TBL1XR1: variants seen among roughly 807,000 people sequenced by gnomAD.
TBL1XR1 encodes the protein TBL1X/Y related 1, also known as F-box-like/WD repeat-containing protein TBL1XR1.
TBL1XR1 carries 5 observed loss-of-function variants against 66.9 expected under a neutral mutation model. The ratio of observed to expected loss-of-function variants is 0.07; its 90% CI spans 0.04 to 0.16. The LOEUF is 0.16. TBL1XR1 is among the 10% of genes least tolerant of loss of function. The pLI is 1.00. For synonymous variants in TBL1XR1, 210 were observed against 206.0 expected (o/e 1.02, Z -0.17); for missense variants, 238 against 623.2 (o/e 0.38, Z 6.58).
chr3:177,112,109 T>TATA (rs1560188974), intron 1 of TBL1XR1, among the ~76,000 whole-genome samples: 145 of 36,830 alleles, frequency 3.9e-3, no homozygotes, highest in South Asian at 7.6e-3. Flanking sequence ...ATATATATAT[T>TATA]TTTTTTTTTT....
At chr3:177,072,960 G>C (rs1720234736) in intron 2 of TBL1XR1, among the ~76,000 whole-genome samples, 1 of 152,042 alleles carries the variant, frequency 6.6e-6, no homozygotes, top group South Asian at 2.1e-4. Context: ...GCTACTTGGG[G>C]GGTTGGGGCA....
At chr3:177,101,284 T>G (rs1398788084) in intron 1 of TBL1XR1, among the ~76,000 whole-genome samples, 1 of 150,458 alleles carries the variant, frequency 6.6e-6, no homozygotes, top group Non-Finnish European at 1.5e-5. Context: ...TGGTTTTAGA[T>G]GCAATTTTTT....
At chr3:177,054,025 T>A in intron 3 of TBL1XR1, 107 bp from the exon 4 acceptor site, 1 of 1,231,178 alleles carries the variant, frequency 8.1e-7, no homozygotes, top group Non-Finnish European at 1.1e-6. Context: ...TCCTACCCAT[T>A]TAAAATCCCA....
chr3:177,196,371 C>T (rs1012327532), intron 1 of TBL1XR1: 1 of 152,160 alleles, frequency 6.6e-6, no homozygotes, highest in Non-Finnish European at 1.5e-5. Context: ...GCCAATTCTA[C>T]ACTCCTGAAC....
At chr3:177,121,576 T>G (rs1363292532) in intron 1 of TBL1XR1, among the ~76,000 whole-genome samples, 1 of 152,194 alleles carries the variant, frequency 6.6e-6, no homozygotes, top group African/African-American at 2.4e-5. Context: ...ATAAATTACA[T>G]GCATTAACGT....
chr3:177,131,802 C>G (rs1728326935), intron 1 of TBL1XR1, among the ~76,000 whole-genome samples: 1 of 151,952 alleles, frequency 6.6e-6, no homozygotes, highest in Non-Finnish European at 1.5e-5. Flanking sequence ...ATACCCGGCC[C>G]TGAATATCCT....
At chr3:177,090,947 C>T (rs1389983522) in intron 2 of TBL1XR1, among the ~76,000 whole-genome samples, 2 of 152,022 alleles carry the variant, frequency 1.3e-5, no homozygotes, top group African/African-American at 2.4e-5. Context: ...CATGATCAGG[C>T]CACTGCAATC....
chr3:177,044,415 T>C (rs572374752), intron 10 of TBL1XR1, among the ~76,000 whole-genome samples: 1 of 152,266 alleles, frequency 6.6e-6, no homozygotes, highest in South Asian at 2.1e-4. Context: ...TTTTGTATAT[T>C]GCAGGAATTA....
chr3:177,150,998 T>C lies in TBL1XR1; in HGVS notation c.-122+46123A>G, dbSNP rs548200386. On this transcript the variant is annotated intron_variant, in intron 1 of 15. Transcript: ENST00000457928. The stretch of plus-strand genomic sequence containing the variant: ...AATAAGGTTATAACTATACATAATA[T>C]ACTTGTTTCTGAGGTAGCTCAGAAA... Among the ~76,000 whole-genome samples the C allele has an allele frequency of 2.6e-5, 4 of 152,366 alleles. No homozygotes were observed. In the South Asian group the frequency reaches 8.3e-4, roughly 32 times the overall value.
chr3:177,180,441 C>T (rs1418980232), intron 1 of TBL1XR1, among the ~76,000 whole-genome samples: 1 of 144,600 alleles, frequency 6.9e-6, no homozygotes, highest in Non-Finnish European at 1.5e-5. Flanking sequence ...AAATGTTACT[C>T]ATTTAAATAT....
At chr3:177,078,077 ATGT>A (rs1720909605) in intron 2 of TBL1XR1, among the ~76,000 whole-genome samples, 1 of 152,178 alleles carries the variant, frequency 6.6e-6, no homozygotes, top group South Asian at 2.1e-4. Context: ...CATTATTATG[ATGT>A]CACCTTTTAA....
At chr3:177,053,096 C>T (rs1201299) in intron 4 of TBL1XR1, among the ~76,000 whole-genome samples, 2,572 of 152,144 alleles carry the variant, frequency 0.017, 33 homozygotes, top group Non-Finnish European at 0.027. Flanking sequence ...AGCGAGATTC[C>T]GTCACACACA....
At chr3:177,065,475 T>C (rs1182772762) in intron 2 of TBL1XR1, among the ~76,000 whole-genome samples, 3 of 152,204 alleles carry the variant, frequency 2.0e-5, no homozygotes, top group Non-Finnish European at 2.9e-5. Flanking sequence ...GTTTTATCTA[T>C]GAAACTTGGC....
chr3:177,123,804 A>AGT (rs201542739), intron 1 of TBL1XR1, among the ~76,000 whole-genome samples: 12 of 25,940 alleles, frequency 4.6e-4, no homozygotes, highest in Non-Finnish European at 9.2e-4. Flanking sequence ...TGAACAATCT[A>AGT]CTCAAGTGGA....
At chr3:177,169,981 T>TG (rs896955114) in intron 1 of TBL1XR1, among the ~76,000 whole-genome samples, 1 of 152,040 alleles carries the variant, frequency 6.6e-6, no homozygotes, top group Non-Finnish European at 1.5e-5. Flanking sequence ...AATCAGAAAT[T>TG]GGGGGGCAGG....
intron 1 of TBL1XR1, among the ~76,000 whole-genome samples, chr3:177,132,713 C>A (rs540251864): frequency 2.4e-4 from 36 of 152,142 alleles, no homozygotes; most frequent in African/African-American, 7.9e-4. Context: ...AAAGTGACAA[C>A]CAGGGATAGG....
At chr3:177,166,660 C>T (rs948938028) in intron 1 of TBL1XR1, among the ~76,000 whole-genome samples, 4 of 152,172 alleles carry the variant, frequency 2.6e-5, no homozygotes, top group African/African-American at 9.7e-5. Flanking sequence ...TGAGGCCTCC[C>T]CAGCCATGCA....
At chr3:177,071,180 G>A (rs1349911379) in intron 2 of TBL1XR1, among the ~76,000 whole-genome samples, 2 of 151,778 alleles carry the variant, frequency 1.3e-5, no homozygotes, top group African/African-American at 2.4e-5. Flanking sequence ...ATAGGCACCC[G>A]CCACCGTGCC....
At chr3:177,200,477 T>C (rs1737318799), upstream of TBL1XR1, among the ~76,000 whole-genome samples, 1 of 152,176 alleles carries the variant, frequency 6.6e-6, no homozygotes, top group South Asian at 2.1e-4. Context: ...ATATGTATTG[T>C]CGCCTCGCCC....
Sources: allele counts gnomAD v4.1 joint callset (sites outside exome capture counted in the v4.1 genomes callset), GRCh38; gene constraint gnomAD v4.1.1; transcripts MANE v1.5; gene names NCBI Gene and HGNC (gene_info 2026-07-23, HGNC 2026-07-21).